ERO1B: variants seen among roughly 807,000 people sequenced by gnomAD.
ERO1B encodes ERO1-like protein beta.
A neutral mutation model predicts 75.3 loss-of-function variants in ERO1B; 49 were observed. The ratio of observed to expected loss-of-function variants is 0.65; its 90% confidence interval spans 0.52 to 0.83. The LOEUF (loss-of-function observed/expected upper bound fraction) is 0.83. ERO1B is among the 40% of genes least tolerant of loss of function. The pLI, the probability that ERO1B is intolerant of heterozygous loss-of-function variation, is 0.00. For synonymous variants in ERO1B, 191 were observed against 192.9 expected, an observed-to-expected ratio of 0.99 and a Z score of 0.08; for missense variants, 512 against 560.1, an observed-to-expected ratio of 0.91 and a Z score of 0.87.
chr1:236,279,403 T>A, intron 1 of ERO1B, among the ~76,000 whole-genome samples: 1 of 143,928 alleles, frequency 6.9e-6, no homozygotes, highest in East Asian at 2.1e-4. Context: ...CTCGGGAGGC[T>A]GAGACAGAAG....
At chr1:236,229,218 G>A (rs556654954) in intron 10 of ERO1B, among the ~76,000 whole-genome samples, 242 of 152,212 alleles carry the variant, frequency 1.6e-3, no homozygotes, top group Non-Finnish European at 2.7e-3. Context: ...TTGAGGCCTG[G>A]AGTTCAAACC....
chr1:236,250,600 TATA>T (rs1344217539), intron 4 of ERO1B, among the ~76,000 whole-genome samples: 12 of 64,132 alleles, frequency 1.9e-4, no homozygotes, highest in African/African-American at 5.6e-4. Context: ...TATATATATA[TATA>T]TATATATATA....
chr1:236,279,513 A>AC (rs1558525547), intron 1 of ERO1B, among the ~76,000 whole-genome samples: 1 of 144,234 alleles, frequency 6.9e-6, no homozygotes, highest in Non-Finnish European at 1.5e-5. Context: ...TCAAAAAAAA[A>AC]AAAAAAACAG....
At chr1:236,222,405 C>T (rs1349747049) in intron 13 of ERO1B, among the ~76,000 whole-genome samples, 2 of 152,130 alleles carry the variant, frequency 1.3e-5, no homozygotes, top group African/African-American at 4.8e-5. Context: ...AGCCACCATA[C>T]CCAACCCGAG....
chr1:236,269,940 T>C lies in ERO1B; in HGVS notation c.157A>G (p.Asn53Asp). The change falls in exon 2 of 16, where the codon AAT becomes GAT. Residue 53 changes from asparagine (N) to aspartate (D), a missense_variant. Physicochemically the swap from Asn to Asp is conservative, Grantham distance 23. Transcript: ENST00000354619. ...ATTTTGGGGAAGATTTTGTAGGTAT[T>C]GAAGTTATCGATGCTGTCAATATCA... ...LCDIDSIDNFNTYKIFPKIKK... is the reference protein window; with the variant it reads ...LCDIDSIDNFDTYKIFPKIKK... The C allele has an allele frequency of 6.2e-7, 1 of 1,605,300 alleles. No homozygotes were observed. Among genetic ancestry groups the C allele is most frequent in the Non-Finnish European group, 8.5e-7 (1 of 1,172,156 alleles).
intron 1 of ERO1B, among the ~76,000 whole-genome samples, chr1:236,278,404 A>G (rs1293816051): frequency 6.6e-6 from 1 of 151,862 alleles, no homozygotes; most frequent in Non-Finnish European, 1.5e-5. Flanking sequence ...TCCTCAATAT[A>G]AGGGTAAACG....
At chr1:236,248,869 T>C (rs1664947682) in intron 5 of ERO1B, among the ~76,000 whole-genome samples, 1 of 152,124 alleles carries the variant, frequency 6.6e-6, no homozygotes, top group South Asian at 2.1e-4. Flanking sequence ...AATGTTAATA[T>C]TTATTTACTT....
chr1:236,281,649 G>A, intron 1 of ERO1B, 33 bp downstream of exon 1: 2 of 1,360,890 alleles, frequency 1.5e-6, no homozygotes, highest in Non-Finnish European at 1.9e-6. Flanking sequence ...GTGTTCGGCC[G>A]GGGGTTCCCG....
Position 236,243,423 on chromosome 1 carries a change from A to G in ERO1B, c.504T>C (p.Asp168=), listed in dbSNP as rs376019871. The G allele has an allele frequency of 2.5e-6, 4 of 1,587,492 alleles. No homozygotes were observed. The highest frequency in any genetic ancestry group is 1.3e-5 in the African/African-American group (1 of 74,208). ...DDSRDHFCEL[D]DERSPAAQYV... Reference sequence around the variant, plus strand: ...AATTATAATAGTTTATTGTATTACCATCAAGTTCACAAAAGTGATCCCGTG... The same window carrying G: ...AATTATAATAGTTTATTGTATTACCGTCAAGTTCACAAAAGTGATCCCGTG... The change falls in exon 6 of 16, where the codon GAT becomes GAC. Residue 168 remains aspartate, a splice_region_variant and synonymous_variant. Transcript: ENST00000354619.
At chr1:236,279,864 A>T (rs1665792024) in intron 1 of ERO1B, among the ~76,000 whole-genome samples, 1 of 151,034 alleles carries the variant, frequency 6.6e-6, no homozygotes. Context: ...AAAAAAAGAA[A>T]GTAAGTACTG....
At chr1:236,240,040 G>A (rs1181659386) in intron 6 of ERO1B, among the ~76,000 whole-genome samples, 1 of 151,036 alleles carries the variant, frequency 6.6e-6, no homozygotes, top group African/African-American at 2.4e-5. Context: ...ATGTAGCTGG[G>A]ACTACAGACA....
rs1219566616 is a variant in ERO1B at position 236,215,450 on chromosome 1, G to C, written c.*3066C>G. Reference sequence around the variant, plus strand: ...GCCATTATGATAAGAAACAACCTCAGACTACTTATAAATACATTTTCTCCC... The same window carrying C: ...GCCATTATGATAAGAAACAACCTCACACTACTTATAAATACATTTTCTCCC... On this transcript the variant is annotated 3_prime_UTR_variant, in exon 16 of 16. Transcript: ENST00000354619. 6.6e-6 allele frequency: 1 copy of C among 152,058 alleles called. No individual in the cohort carries two copies. The highest frequency in any genetic ancestry group is 6.6e-5 in the Admixed American group (1 of 15,258). The allele number at this position is 152,058 out of a possible 1,614,324, so 9.4% of individuals were successfully genotyped here. A position where few individuals can be genotyped will look rare whatever the true frequency, so the allele number is the denominator to read the frequency against.
chr1:236,278,034 C>T (rs989280637), intron 1 of ERO1B, among the ~76,000 whole-genome samples: 4 of 152,066 alleles, frequency 2.6e-5, no homozygotes, highest in Non-Finnish European at 4.4e-5. Context: ...TTCATGGTGC[C>T]CTGTTTCCTT....
At chr1:236,266,942 T>C (rs1437431975) in intron 2 of ERO1B, among the ~76,000 whole-genome samples, 1 of 152,226 alleles carries the variant, frequency 6.6e-6, no homozygotes, top group African/African-American at 2.4e-5. Context: ...AATCAGATTG[T>C]TGAGTAGCCA....
At chr1:236,264,839 G>T (rs1430527604) in intron 2 of ERO1B, among the ~76,000 whole-genome samples, 1 of 151,666 alleles carries the variant, frequency 6.6e-6, no homozygotes, top group African/African-American at 2.4e-5. Flanking sequence ...AGGTGAGACT[G>T]TCTCCAAAAA....
rs747351133 is a variant in ERO1B, at chr1:236,218,539, CTT to C, written c.1379_1380del (p.Lys460SerfsTer7). 3.5e-6 allele frequency: 5 copies of C among 1,410,982 alleles called. No homozygotes were observed. Among genetic ancestry groups the C allele is most frequent in the Non-Finnish European group, 4.7e-6 (5 of 1,072,524 alleles). The allele number at this position is 1,410,982 out of a possible 1,614,324, so 87.4% of individuals were successfully genotyped here. A position where few individuals can be genotyped will look rare whatever the true frequency, so the allele number is the denominator to read the frequency against. On this transcript the variant is annotated frameshift_variant, in exon 16 of 16. Transcript: ENST00000354619. LOFTEE classifies it high-confidence loss of function. The part of the protein sequence containing the change: ...STSIRDLQNF[K>X]VLLQHSR The stretch of plus-strand genomic sequence containing the variant: ...TATTACCTACTGTGTTGTAATAAGA[CTT>C]TAAAATTCTGTAAGTCTCTTATACT...
At chr1:236,245,585 T>A (rs1180474384) in intron 5 of ERO1B, among the ~76,000 whole-genome samples, 1 of 36,942 alleles carries the variant, frequency 2.7e-5, no homozygotes, top group African/African-American at 9.6e-5. Context: ...TATATATTTT[T>A]TTTTTTTTTT....
intron 1 of ERO1B, among the ~76,000 whole-genome samples, chr1:236,273,590 G>A (rs910947724): frequency 1.6e-4 from 24 of 152,052 alleles, no homozygotes; most frequent in South Asian, 6.2e-4. Context: ...TTTGGGAGGC[G>A]GACACAGGAG....
intron 2 of ERO1B, among the ~76,000 whole-genome samples, chr1:236,267,100 C>T (rs1413777535): frequency 8.5e-5 from 13 of 152,150 alleles, no homozygotes; most frequent in Admixed American, 3.3e-4. Context: ...TTTGGTCCAA[C>T]AGGTCATATG....
Sources: gnomAD v4.1 joint callset for allele counts (sites outside exome capture counted in the v4.1 genomes callset) on GRCh38, gnomAD v4.1.1 for gene constraint, MANE v1.5 for transcripts, NCBI Gene and HGNC (gene_info 2026-07-23, HGNC 2026-07-21) for gene names.